The following MAPK4 variants were observed in gnomAD, a reference collection of about 807,000 sequenced individuals.
The protein encoded by MAPK4 is Erk3-related.
A neutral mutation model predicts 47.7 loss-of-function variants in MAPK4; 22 were observed. The observed-to-expected ratio is 0.46, with a 90% CI of 0.33 to 0.66. MAPK4 has a LOEUF of 0.66. Ranked by LOEUF, MAPK4 falls within the 30% of genes least tolerant of loss-of-function variation. The probability of loss-of-function intolerance (pLI) is 0.02; values close to 1 mark genes in which losing one functional copy is unlikely to be tolerated. For missense variants in MAPK4, 736 were observed against 831.7 expected, an observed-to-expected ratio of 0.88 and a Z score of 1.42; for synonymous variants, 390 against 365.7, an observed-to-expected ratio of 1.07 and a Z score of -0.76.
At chr18:50,561,184 C>T (rs879472685) in intron 1 of MAPK4, among the ~76,000 whole-genome samples, 2 of 152,344 alleles carry the variant, frequency 1.3e-5, no homozygotes, top group Non-Finnish European at 2.9e-5. Flanking sequence ...CTGTCACGCG[C>T]CTCTCCAGCA....
chr18:50,644,647 A>G (rs1257072425), intron 1 of MAPK4, among the ~76,000 whole-genome samples: 6 of 152,130 alleles, frequency 3.9e-5, no homozygotes, highest in Non-Finnish European at 8.8e-5. Context: ...AACATTTATA[A>G]CCAGGATGTA....
intron 1 of MAPK4, among the ~76,000 whole-genome samples, chr18:50,601,839 C>T (rs1434847063): frequency 6.6e-6 from 1 of 152,152 alleles, no homozygotes; most frequent in Non-Finnish European, 1.5e-5. Context: ...AGTCTTCTTC[C>T]TTTGTCATAC....
intron 1 of MAPK4, among the ~76,000 whole-genome samples, chr18:50,603,408 C>T (rs932213235): frequency 5.9e-5 from 9 of 152,220 alleles, no homozygotes; most frequent in African/African-American, 2.2e-4. Context: ...AAGAGGGGCT[C>T]TTGTCATGCC....
At chr18:50,692,421 G>A (rs1909269919) in intron 2 of MAPK4, among the ~76,000 whole-genome samples, 1 of 152,172 alleles carries the variant, frequency 6.6e-6, no homozygotes. Context: ...ACTGTTGAGA[G>A]CCCAGGGGAA....
At chr18:50,623,800 C>T (rs1484142871) in intron 1 of MAPK4, among the ~76,000 whole-genome samples, 2 of 152,230 alleles carry the variant, frequency 1.3e-5, no homozygotes, top group Non-Finnish European at 2.9e-5. Context: ...TTTTAACATA[C>T]AAGGTCCTGC....
intron 2 of MAPK4, chr18:50,705,981 T>C (rs1910032036): frequency 6.6e-6 from 1 of 152,238 alleles, no homozygotes. Flanking sequence ...ATCTCAGCTC[T>C]GCCAATTATT....
chr18:50,674,678 G>C (rs1908159423), intron 2 of MAPK4, among the ~76,000 whole-genome samples: 1 of 152,200 alleles, frequency 6.6e-6, no homozygotes, highest in Non-Finnish European at 1.5e-5. Flanking sequence ...ACCCAGGGAA[G>C]AGTTAATCAC....
chr18:50,614,958 C>A (rs948598191), intron 1 of MAPK4, among the ~76,000 whole-genome samples: 1 of 152,218 alleles, frequency 6.6e-6, no homozygotes, highest in East Asian at 1.9e-4. Flanking sequence ...TGCTCAGATT[C>A]TCCCTGTACT....
intron 1 of MAPK4, among the ~76,000 whole-genome samples, chr18:50,609,395 C>A (rs547686764): frequency 1.3e-5 from 2 of 151,226 alleles, no homozygotes; most frequent in Non-Finnish European, 3.0e-5. Context: ...GGCTGCCCCC[C>A]GCCTCCCTCC....
intron 2 of MAPK4, among the ~76,000 whole-genome samples, chr18:50,690,574 G>A (rs1909157162): frequency 6.6e-6 from 1 of 152,198 alleles, no homozygotes; most frequent in Non-Finnish European, 1.5e-5. Context: ...AATATGAGAA[G>A]TCATCTGTAA....
chr18:50,559,964 G>C (rs1257860711), upstream of MAPK4: 1 of 149,964 alleles, frequency 6.7e-6, no homozygotes, highest in Non-Finnish European at 1.5e-5. Context: ...GGGCGCCCAG[G>C]GCCCGGCTCC....
At chr18:50,704,173 C>T (rs1481547258) in intron 2 of MAPK4, among the ~76,000 whole-genome samples, 4 of 152,176 alleles carry the variant, frequency 2.6e-5, no homozygotes, top group Non-Finnish European at 4.4e-5. Flanking sequence ...AAATCTGTCA[C>T]GCCCTCCAGA....
chr18:50,721,989 T>C lies in MAPK4; in HGVS notation c.743T>C (p.Ile248Thr), dbSNP rs1183929480. ...CTCATCCTGGAGACCATCCCTGTAA[T>C]CCGGGAGGAAGACAAGGACGAGCTG... Reference protein sequence around the residue: ...MQLILETIPVIREEDKDELLR... With the variant: ...MQLILETIPVTREEDKDELLR... The change falls in exon 4 of 6, where the codon ATC (isoleucine) becomes ACC (threonine). Residue 248 changes from isoleucine (I) to threonine (T), a missense_variant. Ile to Thr is a moderately conservative substitution (Grantham distance 89, BLOSUM62 -1). This residue lies in a region of MAPK4 where 327 missense variants were observed against 395.4 expected (regional missense o/e 0.83). Coordinates refer to ENST00000400384, the MANE Select transcript of MAPK4 (RefSeq NM_002747.4). The C allele has an allele frequency of 6.2e-7, 1 of 1,614,062 alleles. No homozygotes were observed. The highest frequency in any genetic ancestry group is 8.5e-7 in the Non-Finnish European group (1 of 1,180,000).
intron 1 of MAPK4, among the ~76,000 whole-genome samples, chr18:50,581,366 G>A (rs539836774): frequency 2.1e-3 from 323 of 152,266 alleles, no homozygotes; most frequent in Non-Finnish European, 3.4e-3. Flanking sequence ...TCATGTGGCT[G>A]GAGGCGTTGG....
At chr18:50,631,474 G>A (rs1407938695) in intron 1 of MAPK4, among the ~76,000 whole-genome samples, 2 of 152,184 alleles carry the variant, frequency 1.3e-5, no homozygotes, top group Non-Finnish European at 2.9e-5. Context: ...AGGCTGGCAG[G>A]AACATGACCA....
chr18:50,561,647 T>A (rs1366378901), intron 1 of MAPK4, among the ~76,000 whole-genome samples: 1 of 152,172 alleles, frequency 6.6e-6, no homozygotes, highest in Non-Finnish European at 1.5e-5. Context: ...AAATATAATA[T>A]CTTCTGAACC....
intron 2 of MAPK4, among the ~76,000 whole-genome samples, chr18:50,666,836 C>T (rs1907627911): frequency 6.6e-6 from 1 of 152,108 alleles, no homozygotes; most frequent in African/African-American, 2.4e-5. Flanking sequence ...CCCTCTCTTC[C>T]CACAGTGATG....
intron 1 of MAPK4, among the ~76,000 whole-genome samples, chr18:50,651,221 T>C (rs2043045080): frequency 6.6e-6 from 1 of 152,168 alleles, no homozygotes; most frequent in Non-Finnish European, 1.5e-5. Context: ...CCACTGCCCA[T>C]CTCCCTGGGT....
intron 1 of MAPK4, among the ~76,000 whole-genome samples, chr18:50,647,364 G>A (rs1030868536): frequency 2.0e-5 from 3 of 152,176 alleles, no homozygotes; most frequent in African/African-American, 4.8e-5. Context: ...GTTGAGAAGC[G>A]AGCCTGAGGA....
Sources: allele counts gnomAD v4.1 joint callset (sites outside exome capture counted in the v4.1 genomes callset), GRCh38; gene constraint gnomAD v4.1.1; regional missense constraint gnomAD v4.1.1; transcripts MANE v1.5; gene names NCBI Gene and HGNC (gene_info 2026-07-23, HGNC 2026-07-21).